The following SNX8 variants were observed in gnomAD, a reference collection of about 807,000 sequenced individuals.
SNX8 encodes the protein sorting nexin-8.
SNX8 carries 25 observed loss-of-function variants against 51.6 expected under a neutral mutation model. That is an observed-to-expected ratio of 0.48 (90% CI 0.35 to 0.68). The LOEUF (loss-of-function observed/expected upper bound fraction) is 0.68, where lower values mean the gene tolerates loss of function less well. Among genes scored for constraint, SNX8 ranks in the 30% least tolerant of loss-of-function variants. SNX8 has a pLI of 0.00. For synonymous variants in SNX8, 324 were observed against 277.0 expected, an observed-to-expected ratio of 1.17 and a Z score of -1.68; for missense variants, 695 against 624.0, an observed-to-expected ratio of 1.11 and a Z score of -1.21.
chr7:2,341,487 G>A (rs750445650), intron 1 of SNX8, among the ~76,000 whole-genome samples: 4 of 151,356 alleles, frequency 2.6e-5, no homozygotes, highest in Admixed American at 6.6e-5. Context: ...CAACAAGAGC[G>A]AGACTCCATC....
intron 1 of SNX8, among the ~76,000 whole-genome samples, chr7:2,347,500 GAAAA>G (rs149332685): frequency 8.0e-6 from 1 of 125,310 alleles, no homozygotes; most frequent in African/African-American, 3.1e-5. Context: ...AAAAAAAAAA[GAAAA>G]AAAAAAGAGC....
intron 5 of SNX8, among the ~76,000 whole-genome samples, chr7:2,268,755 C>G (rs1204046684): frequency 4.0e-4 from 8 of 20,116 alleles, no homozygotes; most frequent in Admixed American, 7.9e-4. Flanking sequence ...CCCGGCCAGC[C>G]GCCCCGTCCG....
At position 2,257,419 on chromosome 7, in the gene SNX8, G is replaced by C. The variant is rs1478812797; in HGVS notation, c.1080C>G (p.Thr360=). Reference sequence around the variant, plus strand: ...CGGACTCCGGCTCGCGGTTCTGCGCGGTGGCGCTCATCATCTGCCTCTTCA... The same window carrying C: ...CGGACTCCGGCTCGCGGTTCTGCGCCGTGGCGCTCATCATCTGCCTCTTCA... ...SLMKRQMMSA[T]AQNREPESVE... is the part of the protein sequence containing the mutation. Residue 360 remains threonine (T), a synonymous_variant, in exon 9 of 11, where the codon ACC becomes ACG. Transcript: ENST00000222990. The C allele has an allele frequency of 6.2e-7, 1 of 1,610,710 alleles. No homozygotes were observed. Among genetic ancestry groups the C allele is most frequent in the Non-Finnish European group, 8.5e-7 (1 of 1,179,444 alleles).
intron 10 of SNX8, among the ~76,000 whole-genome samples, chr7:2,255,979 CAG>C (rs1795167890): frequency 6.6e-6 from 1 of 152,206 alleles, no homozygotes; most frequent in African/African-American, 2.4e-5. Flanking sequence ...CACAGCATCA[CAG>C]GGCTGGAAAT....
intron 1 of SNX8, among the ~76,000 whole-genome samples, chr7:2,312,049 G>C (rs561957876): frequency 1.2e-4 from 19 of 152,190 alleles, no homozygotes; most frequent in African/African-American, 4.6e-4. Flanking sequence ...CCCACTTTCA[G>C]ACTTGCCTGG....
chr7:2,332,482 C>T (rs914766862), intron 1 of SNX8, among the ~76,000 whole-genome samples: 7 of 152,036 alleles, frequency 4.6e-5, no homozygotes, highest in Non-Finnish European at 7.4e-5. Context: ...AGGCTGGGTG[C>T]GGTGGCTGAC....
rs781670167 is a variant in SNX8 at position 2,264,390 on chromosome 7, A to G, written c.690T>C (p.Asn230=). Reference sequence around the variant, plus strand: ...CCCTGTCGCGAAGCTTGTGAAAGCTATTGTAGATGTTCCGGATCAGCTCCC... The same window carrying G: ...CCCTGTCGCGAAGCTTGTGAAAGCTGTTGTAGATGTTCCGGATCAGCTCCC... ...ISRELIRNIY[N]SFHKLRDRAE... The change falls in exon 6 of 11, where the codon AAT becomes AAC. Residue 230 remains asparagine, a synonymous_variant. Transcript: ENST00000222990. 2.5e-6 allele frequency: 4 copies of G among 1,612,880 alleles called. No homozygotes were observed. Among genetic ancestry groups the G allele is most frequent in the Admixed American group, 1.7e-5 (1 of 60,024 alleles).
intron 1 of SNX8, among the ~76,000 whole-genome samples, chr7:2,343,532 G>A (rs1289155075): frequency 2.6e-5 from 4 of 151,782 alleles, no homozygotes; most frequent in Admixed American, 2.6e-4. Context: ...AAAATTAGCC[G>A]GGTGTGGTGG....
intron 1 of SNX8, among the ~76,000 whole-genome samples, chr7:2,304,436 C>G (rs950599813): frequency 2.6e-5 from 4 of 151,314 alleles, no homozygotes; most frequent in African/African-American, 7.3e-5. Context: ...CCCAGCTACT[C>G]GGGAGGCTGA....
chr7:2,304,318 G>C (rs906045248), intron 1 of SNX8, among the ~76,000 whole-genome samples: 1 of 152,032 alleles, frequency 6.6e-6, no homozygotes, highest in East Asian at 1.9e-4. Flanking sequence ...GCCAAGGTGG[G>C]CAGATCACGA....
At chr7:2,353,664 C>T (rs543763580) in intron 1 of SNX8, among the ~76,000 whole-genome samples, 1 of 152,182 alleles carries the variant, frequency 6.6e-6, no homozygotes, top group East Asian at 1.9e-4. Context: ...ACCGTCATCT[C>T]CAAAACGTTC....
intron 2 of SNX8, among the ~76,000 whole-genome samples, chr7:2,276,329 G>A (rs556223367): frequency 2.6e-5 from 4 of 152,322 alleles, no homozygotes; most frequent in East Asian, 1.9e-4. Context: ...CCAGAGGGCC[G>A]GGAACCACGG....
chr7:2,337,838 A>T (rs1225507551), intron 1 of SNX8, among the ~76,000 whole-genome samples: 1 of 142,224 alleles, frequency 7.0e-6, no homozygotes, highest in Non-Finnish European at 1.5e-5. Flanking sequence ...TCAAGCAAAT[A>T]AAAGGATATC....
At chr7:2,314,518 GC>G, upstream of SNX8, 2 of 1,083,764 alleles carry the variant, frequency 1.8e-6, no homozygotes, top group African/African-American at 1.8e-5. Flanking sequence ...GCCTGGTCAC[GC>G]CCCCTCCCCC....
At chr7:2,330,629 C>G (rs910136159) in intron 1 of SNX8, among the ~76,000 whole-genome samples, 1 of 151,906 alleles carries the variant, frequency 6.6e-6, no homozygotes, top group African/African-American at 2.4e-5. Context: ...GGAACTGAGC[C>G]CCCAACCTGT....
chr7:2,344,002 C>T (rs1425265674), intron 1 of SNX8, among the ~76,000 whole-genome samples: 1 of 143,548 alleles, frequency 7.0e-6, no homozygotes, highest in Non-Finnish European at 1.5e-5. Flanking sequence ...CATTTCACTG[C>T]AGCCTGGGCA....
chr7:2,269,603 C>A lies in SNX8; in HGVS notation c.577G>T (p.Val193Phe). Reference sequence around the variant, plus strand: ...TTACAGTTCAGGAATTCGTCCCCGACGCACTGTGCTGACTCCTTTAACTTG... The same window carrying A: ...TTACAGTTCAGGAATTCGTCCCCGAAGCACTGTGCTGACTCCTTTAACTTG... The part of the protein sequence containing the change: ...QNKLKESAQC[V>F]GDEFLNCKLA... Residue 193 changes from valine (V) to phenylalanine (F), a missense_variant, in exon 5 of 11, where the codon GTC (valine) becomes TTC (phenylalanine). By Grantham distance (50) the Val-to-Phe change is conservative. Coordinates refer to ENST00000222990, the MANE Select transcript of SNX8 (RefSeq NM_013321.4). The A allele has an allele frequency of 6.2e-7, 1 of 1,601,974 alleles. No individual in the cohort carries two copies.
rs549905494 is a variant in SNX8, at chr7:2,265,156, T to C, written c.622-698A>G. On this transcript the variant is annotated intron_variant, in intron 5 of 10. Transcript: ENST00000222990. ...AATCACGAGGTAAGGAGATCGAGAC[T>C]ATGGTGAAACCCCATCTCTACTAAA... 6.6e-5 allele frequency among the ~76,000 whole-genome samples: 10 copies of C among 152,152 alleles called. No homozygotes were observed. In the South Asian group the frequency reaches 1.9e-3, roughly 28 times the overall value.
chr7:2,290,010 T>G (rs1193085715), intron 1 of SNX8, among the ~76,000 whole-genome samples: 1 of 152,016 alleles, frequency 6.6e-6, no homozygotes, highest in East Asian at 1.9e-4. Context: ...CTGGCCAACA[T>G]GGTGAAACCC....
Sources: gnomAD v4.1 joint callset for allele counts (sites outside exome capture counted in the v4.1 genomes callset) on GRCh38, gnomAD v4.1.1 for gene constraint, MANE v1.5 for transcripts, NCBI Gene and HGNC (gene_info 2026-07-23, HGNC 2026-07-21) for gene names.